Variants in ELMO1 observed in about 807,000 individuals in gnomAD.
ELMO1 encodes the protein engulfment and cell motility protein 1.
In ELMO1, 26 loss-of-function variants were observed where a neutral mutation model predicts 98.9. That is an observed-to-expected ratio of 0.26 (90% CI 0.19 to 0.36). The LOEUF (loss-of-function observed/expected upper bound fraction) is 0.36, where lower values mean the gene tolerates loss of function less well. Ranked by LOEUF, ELMO1 falls within the 10% of genes least tolerant of loss-of-function variation. The probability of loss-of-function intolerance (pLI) is 1.00; values close to 1 mark genes in which losing one functional copy is unlikely to be tolerated. For missense variants in ELMO1, 627 were observed against 935.2 expected (o/e 0.67, Z 4.30); for synonymous variants, 346 against 346.0 (o/e 1.00, Z 0.00).
chr7:37,389,032 T>C (rs1300921004), intron 1 of ELMO1, among the ~76,000 whole-genome samples: 2 of 152,244 alleles, frequency 1.3e-5, no homozygotes, highest in African/African-American at 4.8e-5. Flanking sequence ...ATTTCAATAC[T>C]GAAGTGCTTA....
intron 16 of ELMO1, among the ~76,000 whole-genome samples, chr7:36,933,901 T>A (rs1786272206): frequency 6.6e-6 from 1 of 152,200 alleles, no homozygotes; most frequent in African/African-American, 2.4e-5. Context: ...CCCATCTGAA[T>A]GACAACAGCT....
intron 15 of ELMO1, among the ~76,000 whole-genome samples, chr7:37,056,496 C>A (rs1288215968): frequency 6.6e-6 from 1 of 152,168 alleles, no homozygotes; most frequent in African/African-American, 2.4e-5. Flanking sequence ...GATATCCCTA[C>A]CACAAACTGA....
chr7:37,292,960 G>GGT (rs1342977799), intron 4 of ELMO1, among the ~76,000 whole-genome samples: 1 of 57,366 alleles, frequency 1.7e-5, no homozygotes, highest in African/African-American at 5.0e-5. Context: ...CGTCCGGGAA[G>GGT]TGAGGGGCGC....
chr7:37,019,811 T>G (rs1794163341), intron 15 of ELMO1, among the ~76,000 whole-genome samples: 1 of 152,234 alleles, frequency 6.6e-6, no homozygotes. Flanking sequence ...CCCAACACAA[T>G]GGTTTTTTAA....
chr7:36,886,597 C>T (rs1280394608), intron 18 of ELMO1, among the ~76,000 whole-genome samples: 1 of 152,192 alleles, frequency 6.6e-6, no homozygotes, highest in Non-Finnish European at 1.5e-5. Context: ...CTTCTTCAAT[C>T]TCTTTGCCTC....
At chr7:37,075,841 C>T (rs1340075202) in intron 15 of ELMO1, among the ~76,000 whole-genome samples, 1 of 152,018 alleles carries the variant, frequency 6.6e-6, no homozygotes, top group Admixed American at 6.6e-5. Context: ...GCAACTCATC[C>T]CTTAAGATAA....
At chr7:37,233,988 C>T (rs912583306) in intron 7 of ELMO1, among the ~76,000 whole-genome samples, 2 of 152,192 alleles carry the variant, frequency 1.3e-5, no homozygotes, top group African/African-American at 4.8e-5. Flanking sequence ...CCACCTAGGA[C>T]CCTTATTAGA....
At chr7:37,155,487 C>CAAAAAAAAAAAAAAAAA (rs781745325) in intron 13 of ELMO1, among the ~76,000 whole-genome samples, 1 of 49,682 alleles carries the variant, frequency 2.0e-5, no homozygotes, top group Non-Finnish European at 4.1e-5. Context: ...AAACGGAAAG[C>CAAAAAAAAAAAAAAAAA]AAAAAAAAAA....
Position 37,018,796 on chromosome 7 carries a change from G to A in ELMO1, c.1301-5361C>T, listed in dbSNP as rs533773495. 4.4e-4 allele frequency among the ~76,000 whole-genome samples: 67 copies of A among 152,088 alleles called. No individual in the cohort carries two copies. The South Asian group carries it at 5.8e-3, about 13-fold the overall frequency. ...ACAGCTAGTTACTATTTGTAATCAAGTACATGGCATAGGCTTAGTAAACGG... is the reference window on the plus strand; with the variant it reads ...ACAGCTAGTTACTATTTGTAATCAAATACATGGCATAGGCTTAGTAAACGG... On this transcript the variant is annotated intron_variant, in intron 15 of 21. Coordinates refer to ENST00000310758, the MANE Select transcript of ELMO1 (RefSeq NM_014800.11).
chr7:37,274,035 G>A lies in ELMO1; in HGVS notation c.193-2153C>T, dbSNP rs2130867452. 2.0e-5 allele frequency among the ~76,000 whole-genome samples: 3 copies of A among 152,272 alleles called. No homozygotes were observed. The South Asian group carries it at 6.2e-4, about 32-fold the overall frequency. ...ACCACCAGATCCAGGCCCTATGTGT[G>A]CAATTCAGCCCAGTGTAGAGCATCC... On this transcript the variant is annotated intron_variant, in intron 4 of 21. Coordinates refer to ENST00000310758, the MANE Select transcript of ELMO1 (RefSeq NM_014800.11).
chr7:36,984,201 G>A (rs1584477328), intron 16 of ELMO1, among the ~76,000 whole-genome samples: 1 of 152,176 alleles, frequency 6.6e-6, no homozygotes, highest in Admixed American at 6.5e-5. Flanking sequence ...GGAGTGTGGT[G>A]CAGCAGGCAG....
In ELMO1 at chr7:37,008,135, T is replaced by C. The variant is rs191787512; in HGVS notation, c.1437+5164A>G. Among the ~76,000 whole-genome samples, 281 of 152,364 alleles carry C rather than the reference T, an allele frequency of 1.8e-3. 1 individual carries two copies. The highest frequency in any genetic ancestry group is 5.2e-3 in the African/African-American group (217 of 41,592). On this transcript the variant is annotated intron_variant, in intron 16 of 21. Coordinates refer to ENST00000310758, the MANE Select transcript of ELMO1 (RefSeq NM_014800.11). ...GAAAGTATGGCACAATCATCTGATC[T>C]TGGCTTATAATGTCAATTTTGATAG...
intron 8 of ELMO1, among the ~76,000 whole-genome samples, chr7:37,231,413 A>G (rs1794169435): frequency 6.6e-6 from 1 of 152,078 alleles, no homozygotes; most frequent in Non-Finnish European, 1.5e-5. Flanking sequence ...TAACATCACC[A>G]GTCAGAGGAC....
chr7:37,037,905 T>G (rs867613221), intron 15 of ELMO1, among the ~76,000 whole-genome samples: 1 of 152,138 alleles, frequency 6.6e-6, no homozygotes, highest in Non-Finnish European at 1.5e-5. Flanking sequence ...ATGGAAGTTA[T>G]GGAAAAGGTA....
intron 1 of ELMO1, among the ~76,000 whole-genome samples, chr7:37,345,584 G>A (rs1800960256): frequency 6.6e-6 from 1 of 152,132 alleles, no homozygotes; most frequent in Admixed American, 6.5e-5. Context: ...GGTGGTGCTT[G>A]TAATCGCAGC....
intron 15 of ELMO1, among the ~76,000 whole-genome samples, chr7:37,058,899 G>A (rs1444871116): frequency 6.6e-6 from 1 of 152,196 alleles, no homozygotes; most frequent in African/African-American, 2.4e-5. Flanking sequence ...GGAACCCATT[G>A]TGGGTTTCTT....
chr7:37,179,559 G>A (rs907955888), intron 13 of ELMO1, among the ~76,000 whole-genome samples: 11 of 152,092 alleles, frequency 7.2e-5, no homozygotes, highest in Non-Finnish European at 1.5e-4. Context: ...TTACAGGCGT[G>A]AGCCACCGAG....
At chr7:36,916,647 G>A (rs1399157660) in intron 16 of ELMO1, among the ~76,000 whole-genome samples, 14 of 152,184 alleles carry the variant, frequency 9.2e-5, no homozygotes, top group Non-Finnish European at 2.1e-4. Context: ...AAACCAAGAA[G>A]GCAACACTTG....
At chr7:37,277,035 C>T (rs1490418640) in intron 4 of ELMO1, among the ~76,000 whole-genome samples, 2 of 152,224 alleles carry the variant, frequency 1.3e-5, no homozygotes, top group African/African-American at 4.8e-5. Flanking sequence ...GTCTATATCA[C>T]TCCCATCCAG....
Sources: gnomAD v4.1 joint callset for allele counts (sites outside exome capture counted in the v4.1 genomes callset) on GRCh38, gnomAD v4.1.1 for gene constraint, MANE v1.5 for transcripts, NCBI Gene and HGNC (gene_info 2026-07-23, HGNC 2026-07-21) for gene names.